EXTL3: variants seen among roughly 807,000 people sequenced by gnomAD.
EXTL3 encodes exostosin-like 3.
EXTL3 carries 27 observed loss-of-function variants against 69.3 expected under a neutral mutation model. The ratio of observed to expected loss-of-function variants is 0.39; its 90% CI spans 0.29 to 0.54. EXTL3 has a LOEUF of 0.54. Ranked by LOEUF, EXTL3 falls within the 20% of genes least tolerant of loss-of-function variation. The pLI, the probability that EXTL3 is intolerant of heterozygous loss-of-function variation, is 0.69. For missense variants in EXTL3, 1,003 were observed against 1,231.8 expected, an observed-to-expected ratio of 0.81 and a Z score of 2.78; for synonymous variants, 511 against 499.4, an observed-to-expected ratio of 1.02 and a Z score of -0.31.
rs1801976120 is a variant in EXTL3 at position 28,750,268 on chromosome 8, T to G, written c.2551-389T>G. 6.6e-6 allele frequency among the ~76,000 whole-genome samples: 1 copy of G among 152,170 alleles called. No individual in the cohort carries two copies. The highest frequency in any genetic ancestry group is 2.1e-4 in the South Asian group (1 of 4,830). ...TTGACTAGCCCCTCTTTGGGTAGTC[T>G]TCAATACCCAAAGCCCCTCTTTGGG... On this transcript the variant is annotated intron_variant, in intron 6 of 6. Coordinates refer to ENST00000220562, the MANE Select transcript of EXTL3 (RefSeq NM_001440.4). This position sits in a 1 kb window ranked among gnomAD's most constrained non-coding sequence, Gnocchi z 5.2.
At chr8:28,620,348 G>A (rs959216217), upstream of EXTL3, among the ~76,000 whole-genome samples, 1 of 152,284 alleles carries the variant, frequency 6.6e-6, no homozygotes, top group East Asian at 1.9e-4. Flanking sequence ...AACTGAGAGA[G>A]GGCTCAGTTC....
At chr8:28,644,154 A>C (rs549744670) in intron 1 of EXTL3, among the ~76,000 whole-genome samples, 2 of 151,914 alleles carry the variant, frequency 1.3e-5, no homozygotes, top group Non-Finnish European at 2.9e-5. Context: ...TTGCATACTT[A>C]TGAGCCTTTT....
In EXTL3 at chr8:28,702,442, C is replaced by T. The variant is rs551737222; in HGVS notation, c.-570+783C>T. On this transcript the variant is annotated intron_variant, in intron 1 of 6. Coordinates refer to ENST00000220562, the MANE Select transcript of EXTL3 (RefSeq NM_001440.4). ...CCCTCGGAGGCGAGCCAGGGCTGCCCGGCTGCTGATGGGTGCTGCTTTCTC... is the reference window on the plus strand; with the variant it reads ...CCCTCGGAGGCGAGCCAGGGCTGCCTGGCTGCTGATGGGTGCTGCTTTCTC... 9.5e-4 allele frequency among the ~76,000 whole-genome samples: 145 copies of T among 152,320 alleles called. 1 individual carries two copies. Among genetic ancestry groups the T allele is most frequent in the Middle Eastern group, 3.4e-3 (1 of 294 alleles).
intron 3 of EXTL3, 71 bp downstream of exon 3, chr8:28,718,278 C>T: frequency 1.4e-6 from 2 of 1,478,050 alleles, no homozygotes; most frequent in Non-Finnish European, 1.9e-6. Context: ...TTTCCAACTT[C>T]CTTCACTTTA....
At chr8:28,737,221 G>T (rs1002362071) in intron 4 of EXTL3, among the ~76,000 whole-genome samples, 1 of 152,196 alleles carries the variant, frequency 6.6e-6, no homozygotes, top group African/African-American at 2.4e-5. Flanking sequence ...AGTAGATATT[G>T]TACATACCCC....
chr8:28,609,566 A>G (rs996945658), intron 2 of EXTL3, among the ~76,000 whole-genome samples: 1 of 151,214 alleles, frequency 6.6e-6, no homozygotes, highest in Non-Finnish European at 1.5e-5. Flanking sequence ...TGGAATCAAG[A>G]GTTCTCTTTT....
chr8:28,618,470 C>G (rs1229894975), upstream of EXTL3, among the ~76,000 whole-genome samples: 1 of 152,102 alleles, frequency 6.6e-6, no homozygotes, highest in South Asian at 2.1e-4. Context: ...GAAATGGGAA[C>G]CTGGGTTCAA....
In EXTL3 at chr8:28,628,528, G is replaced by A. The variant is rs553805526; in HGVS notation, c.-53+5718G>A. Among the ~76,000 whole-genome samples the A allele has an allele frequency of 1.6e-4, 25 of 152,242 alleles. 1 individual carries two copies. In the South Asian group the frequency reaches 4.6e-3, roughly 28 times the overall value. On this transcript the variant is annotated intron_variant, in intron 1 of 6. Transcript: ENST00000523149. ...CTGGGCAGCAGAGCGAGACCTCATC[G>A]CTTCAATAAAAACTGGTGAAAATGG...
intron 1 of EXTL3, among the ~76,000 whole-genome samples, chr8:28,635,656 A>G (rs1336423520): frequency 2.7e-5 from 4 of 150,534 alleles, no homozygotes; most frequent in African/African-American, 9.8e-5. Flanking sequence ...GCTTGCAGTG[A>G]GCTGAGATCG....
intron 3 of EXTL3, among the ~76,000 whole-genome samples, chr8:28,718,974 A>C (rs1454314811): frequency 6.6e-6 from 1 of 152,216 alleles, no homozygotes; most frequent in Admixed American, 6.5e-5. Flanking sequence ...TAAACTTGGC[A>C]TTCTAGGAGA....
At chr8:28,710,375 G>A (rs774719498) in intron 1 of EXTL3, 1 of 433,774 alleles carries the variant, frequency 2.3e-6, no homozygotes, top group Non-Finnish European at 4.6e-6. Context: ...TTTGGGGAGT[G>A]GTGAAAAGGG....
intron 2 of EXTL3, among the ~76,000 whole-genome samples, chr8:28,608,396 T>A (rs1196501357): frequency 6.6e-6 from 1 of 152,118 alleles, no homozygotes. Flanking sequence ...GCTCTCCACT[T>A]TACTACTAGT....
At chr8:28,644,959 T>C (rs1806805527) in intron 1 of EXTL3, among the ~76,000 whole-genome samples, 1 of 152,230 alleles carries the variant, frequency 6.6e-6, no homozygotes, top group African/African-American at 2.4e-5. Flanking sequence ...TGGAGTTTTA[T>C]TTCCCTAGCT....
intron 1 of EXTL3, among the ~76,000 whole-genome samples, chr8:28,633,265 G>GA (rs1806599072): frequency 6.6e-6 from 1 of 152,260 alleles, no homozygotes; most frequent in South Asian, 2.1e-4. Flanking sequence ...TGGAGGCTGC[G>GA]AGGTTGAGGC....
rs539856807 is a variant in EXTL3, at chr8:28,710,192, G to T, written c.-569-3265G>T. The stretch of plus-strand genomic sequence containing the variant: ...TGCTTGCTGCCATTGAACGTCTGAG[G>T]TGTAGATGTCTGTGTTGCTGACCAC... On this transcript the variant is annotated intron_variant, in intron 1 of 6. Transcript: ENST00000220562. Among the ~76,000 whole-genome samples, 22 of 152,302 alleles carry T rather than the reference G, an allele frequency of 1.4e-4. 1 individual carries two copies. In the South Asian group the frequency reaches 3.9e-3, roughly 27 times the overall value.
At chr8:28,650,418 C>T (rs1046398831) in intron 1 of EXTL3, among the ~76,000 whole-genome samples, 4 of 151,602 alleles carry the variant, frequency 2.6e-5, no homozygotes, top group Admixed American at 6.6e-5. Flanking sequence ...AGTGCAGTGG[C>T]GCGATATCAG....
intron 6 of EXTL3, among the ~76,000 whole-genome samples, chr8:28,749,464 T>C (rs544687414): frequency 6.6e-6 from 1 of 152,286 alleles, no homozygotes; most frequent in Admixed American, 6.5e-5. Flanking sequence ...TCCCCATCTT[T>C]CTTTGTGAGG....
chr8:28,668,259 CA>C (rs71549685), intron 1 of EXTL3, among the ~76,000 whole-genome samples: 5,669 of 64,170 alleles, frequency 0.088, 198 homozygotes, highest in South Asian at 0.16. Flanking sequence ...GGTCCTGTCT[CA>C]AAAAAAAAAA....
chr8:28,641,097 A>G (rs1028303028), intron 1 of EXTL3, among the ~76,000 whole-genome samples: 1 of 152,230 alleles, frequency 6.6e-6, no homozygotes, highest in Non-Finnish European at 1.5e-5. Context: ...TCTGTGCTCC[A>G]CGGGTCGGGT....
Sources: allele counts gnomAD v4.1 joint callset (sites outside exome capture counted in the v4.1 genomes callset), GRCh38; gene constraint gnomAD v4.1.1; non-coding constraint Gnocchi (gnomAD v3.1); transcripts MANE v1.5; gene names NCBI Gene and HGNC (gene_info 2026-07-23, HGNC 2026-07-21).